The following MAML3 variants were observed in gnomAD, a reference collection of about 807,000 sequenced individuals.
MAML3 encodes the protein mastermind like transcriptional coactivator 3, also known as mastermind-like protein 3.
In MAML3, 27 loss-of-function variants were observed where a neutral mutation model predicts 101.9. That is an observed-to-expected ratio of 0.27 (90% confidence interval 0.20 to 0.37). The LOEUF (loss-of-function observed/expected upper bound fraction) is 0.37, where lower values mean the gene tolerates loss of function less well. Among genes scored for constraint, MAML3 ranks in the 10% least tolerant of loss-of-function variants. MAML3 has a pLI of 1.00. For synonymous variants in MAML3, 501 were observed against 555.9 expected (o/e 0.90, Z 1.39); for missense variants, 1,316 against 1,444.9 (o/e 0.91, Z 1.45).
At chr4:140,001,578 G>A (rs1348919170) in intron 1 of MAML3, among the ~76,000 whole-genome samples, 1 of 152,196 alleles carries the variant, frequency 6.6e-6, no homozygotes, top group Admixed American at 6.5e-5. Context: ...CAAAAGGCCA[G>A]AGAAATAATC....
At chr4:139,967,836 T>G (rs1473759195) in intron 1 of MAML3, among the ~76,000 whole-genome samples, 2 of 151,898 alleles carry the variant, frequency 1.3e-5, no homozygotes, top group African/African-American at 4.8e-5. Context: ...ATACTTGTAT[T>G]TAAAGTCAAC....
chr4:140,127,103 G>A (rs575403721), intron 1 of MAML3, among the ~76,000 whole-genome samples: 2 of 152,256 alleles, frequency 1.3e-5, no homozygotes, highest in East Asian at 3.9e-4. Flanking sequence ...ATGTCATAGG[G>A]CTTATGCTTC....
At chr4:140,030,106 G>A (rs1726884671) in intron 1 of MAML3, among the ~76,000 whole-genome samples, 3 of 152,126 alleles carry the variant, frequency 2.0e-5, no homozygotes, top group Admixed American at 2.0e-4. Context: ...GTTTCTCTGT[G>A]TCTTATTTCC....
At chr4:140,147,341 G>C (rs1180027592) in intron 1 of MAML3, among the ~76,000 whole-genome samples, 3 of 152,134 alleles carry the variant, frequency 2.0e-5, no homozygotes, top group African/African-American at 7.2e-5. Context: ...TTTGTGCTAA[G>C]TAAGAATAAA....
intron 2 of MAML3, among the ~76,000 whole-genome samples, chr4:139,790,229 A>ATATATG (rs1189652453): frequency 1.4e-5 from 2 of 143,772 alleles, no homozygotes; most frequent in Non-Finnish European, 3.0e-5. Flanking sequence ...ATATATATAT[A>ATATATG]TATATATATA....
rs190171055 is a variant in MAML3 at position 140,067,895 on chromosome 4, G to A, written c.468+84965C>T. 1.7e-3 allele frequency among the ~76,000 whole-genome samples: 251 copies of A among 152,008 alleles called. 2 individuals carry two copies. Among genetic ancestry groups the A allele is most frequent in the Admixed American group, 0.014 (219 of 15,258 alleles). ...ATTATAGGCATATGCCACCACGCCC[G>A]GCTAATTTTGTACTTTTAGTAGAGA... On this transcript the variant is annotated intron_variant, in intron 1 of 4. Transcript: ENST00000509479.
At chr4:140,031,176 C>T (rs1382767530) in intron 1 of MAML3, among the ~76,000 whole-genome samples, 1 of 152,122 alleles carries the variant, frequency 6.6e-6, no homozygotes, top group African/African-American at 2.4e-5. Flanking sequence ...AATTCAGGCA[C>T]AAATAGATTA....
chr4:139,844,898 C>T (rs1366910743), intron 2 of MAML3, among the ~76,000 whole-genome samples: 1 of 152,212 alleles, frequency 6.6e-6, no homozygotes, highest in Non-Finnish European at 1.5e-5. Context: ...TAGTCCTATT[C>T]TGGCTCACAC....
chr4:139,770,533 T>C lies in MAML3; in HGVS notation c.2080-39866A>G, dbSNP rs112799293. ...GAGTTGGTGGATAGGGAGGAGGAGA[T>C]TGGTGGTGGCTGAGCTGAAGCAGGA... On this transcript the variant is annotated intron_variant, in intron 2 of 4. Coordinates refer to ENST00000509479, the MANE Select transcript of MAML3 (RefSeq NM_018717.5). 2.0e-3 allele frequency among the ~76,000 whole-genome samples: 299 copies of C among 152,154 alleles called. 1 individual carries two copies. Among genetic ancestry groups the C allele is most frequent in the African/African-American group, 6.8e-3 (282 of 41,516 alleles).
At chr4:140,032,633 A>C (rs1444336772) in intron 1 of MAML3, among the ~76,000 whole-genome samples, 1 of 152,164 alleles carries the variant, frequency 6.6e-6, no homozygotes, top group Admixed American at 6.5e-5. Context: ...TCAATGATAC[A>C]AATGGGTAAA....
chr4:139,729,295 C>T (rs1437628857), intron 3 of MAML3, among the ~76,000 whole-genome samples: 2 of 151,910 alleles, frequency 1.3e-5, no homozygotes, highest in Admixed American at 1.3e-4. Context: ...GTGTCCTACA[C>T]AGGATACACG....
At chr4:139,960,308 G>A (rs1229179406) in intron 1 of MAML3, among the ~76,000 whole-genome samples, 1 of 152,196 alleles carries the variant, frequency 6.6e-6, no homozygotes, top group Non-Finnish European at 1.5e-5. Context: ...CTGCTGAAAT[G>A]TGTCTGTTTT....
At chr4:139,750,369 C>T (rs1039672845) in intron 2 of MAML3, among the ~76,000 whole-genome samples, 17 of 152,278 alleles carry the variant, frequency 1.1e-4, no homozygotes, top group Admixed American at 7.8e-4. Flanking sequence ...GCCTCCTAGG[C>T]GGTGGGTCGT....
intron 1 of MAML3, among the ~76,000 whole-genome samples, chr4:140,141,871 G>T (rs372640629): frequency 6.6e-6 from 1 of 152,142 alleles, no homozygotes; most frequent in East Asian, 1.9e-4. Flanking sequence ...AACCATATTA[G>T]ATTAAGAGAT....
At chr4:139,761,223 G>A (rs1414888116) in intron 2 of MAML3, among the ~76,000 whole-genome samples, 2 of 152,114 alleles carry the variant, frequency 1.3e-5, no homozygotes. Flanking sequence ...GCCTCCCAAA[G>A]TTCTGGGATT....
At chr4:140,150,687 T>C (rs1266012064) in intron 1 of MAML3, among the ~76,000 whole-genome samples, 3 of 151,946 alleles carry the variant, frequency 2.0e-5, no homozygotes, top group Non-Finnish European at 1.5e-5. Context: ...GCATGAAACC[T>C]TCAGTGCCTC....
chr4:140,020,125 G>C (rs1478159814), intron 1 of MAML3, among the ~76,000 whole-genome samples: 2 of 152,106 alleles, frequency 1.3e-5, no homozygotes, highest in African/African-American at 4.8e-5. Flanking sequence ...TTTGTCAACT[G>C]TGTTGCTGTA....
At chr4:139,864,393 C>G (rs1731849664) in intron 2 of MAML3, among the ~76,000 whole-genome samples, 1 of 152,088 alleles carries the variant, frequency 6.6e-6, no homozygotes, top group Non-Finnish European at 1.5e-5. Flanking sequence ...AAAAATCTTT[C>G]ATGGGCCAGG....
chr4:139,881,190 T>TCC (rs1462789895), intron 2 of MAML3, among the ~76,000 whole-genome samples: 1 of 151,934 alleles, frequency 6.6e-6, no homozygotes, highest in Non-Finnish European at 1.5e-5. Context: ...CCAGATACCC[T>TCC]CCCTCAGACA....
Sources: gnomAD v4.1 joint callset for allele counts (sites outside exome capture counted in the v4.1 genomes callset) on GRCh38, gnomAD v4.1.1 for gene constraint, MANE v1.5 for transcripts, NCBI Gene and HGNC (gene_info 2026-07-23, HGNC 2026-07-21) for gene names.